Variants in POLA1 observed in about 807,000 individuals in gnomAD.
POLA1 encodes the protein DNA polymerase alpha catalytic subunit.
A neutral mutation model predicts 124.0 loss-of-function variants in POLA1; 15 were observed. That is an observed-to-expected ratio of 0.12 (90% CI 0.08 to 0.19). POLA1 has a LOEUF of 0.19. Among genes scored for constraint, POLA1 ranks in the 10% least tolerant of loss-of-function variants. The pLI, the probability that POLA1 is intolerant of heterozygous loss-of-function variation, is 1.00. For missense variants in POLA1, 886 were observed against 1,103.4 expected, an observed-to-expected ratio of 0.80 and a Z score of 2.79; for synonymous variants, 408 against 389.4, an observed-to-expected ratio of 1.05 and a Z score of -0.56.
At chrX:24,734,051 G>GA (rs1380474210) in intron 17 of POLA1, 1 of 236,843 alleles carries the variant, frequency 4.2e-6, no homozygotes, top group African/African-American at 2.9e-5. Context: ...TTGGTGGTTG[G>GA]ATAGGCTCAA....
chrX:24,724,384 A>G lies in POLA1; in HGVS notation c.1250A>G (p.Lys417Arg). The G allele has an allele frequency of 8.7e-7, 1 of 1,143,393 alleles. No individual in the cohort carries two copies. The highest frequency in any genetic ancestry group is 1.2e-6 in the Non-Finnish European group (1 of 838,146). 94.2% of individuals were successfully genotyped at this position (1,143,393 alleles called of 1,213,427 possible). A position where few individuals can be genotyped will look rare whatever the true frequency, so the allele number is the denominator to read the frequency against. Residue 417 changes from lysine (K) to arginine (R), a missense_variant, in exon 12 of 37, where the codon AAG becomes AGG. By Grantham distance (26) the Lys-to-Arg change is conservative. Around this residue, in one of 7 missense-constraint regions of POLA1, gnomAD observed 337 missense variants for 402.8 expected, o/e 0.84. Transcript: ENST00000379068. The part of the protein sequence containing the change: ...GKETGTPISM[K>R]DVYEEFDEKI... ...GAAACAGGAACTCCAATTTCAATGA[A>G]GGATGTTTATGAGGAATTTGATGAG...
At chrX:24,972,634 T>C (rs1194094866) in intron 36 of POLA1, among the ~76,000 whole-genome samples, 1 of 111,922 alleles carries the variant, frequency 8.9e-6, no homozygotes, top group Non-Finnish European at 1.9e-5. Context: ...AATAACTGCT[T>C]AGGGGCACAC....
At chrX:24,755,340 T>A (rs1932543401) in intron 26 of POLA1, among the ~76,000 whole-genome samples, 1 of 112,381 alleles carries the variant, frequency 8.9e-6, no homozygotes, top group African/African-American at 3.2e-5. Flanking sequence ...TGTTGCATAA[T>A]CCTTGATATT....
intron 26 of POLA1, among the ~76,000 whole-genome samples, 174 bp downstream of exon 26, chrX:24,749,166 C>T (rs193242686): frequency 2.7e-5 from 3 of 110,912 alleles, no homozygotes; most frequent in Non-Finnish European, 5.7e-5. Flanking sequence ...TTCATTAATT[C>T]GTGTGTGTGT....
intron 26 of POLA1, among the ~76,000 whole-genome samples, chrX:24,796,945 T>G (rs1028657530): frequency 8.9e-6 from 1 of 111,738 alleles, no homozygotes; most frequent in Non-Finnish European, 1.9e-5. Context: ...GTATCATTCT[T>G]GACTCCTATC....
chrX:24,940,900 A>G lies in POLA1; in HGVS notation c.4261+10351A>G, dbSNP rs773299208. On this transcript the variant is annotated intron_variant, in intron 36 of 36. Coordinates refer to ENST00000379068, the MANE Select transcript of POLA1 (RefSeq NM_001330360.2). ...CAGTCCCATTTGCTTCAGGCAAATTATAGGATTTATATTTATCCAGAATTG... is the reference window on the plus strand; with the variant it reads ...CAGTCCCATTTGCTTCAGGCAAATTGTAGGATTTATATTTATCCAGAATTG... 2.7e-5 allele frequency among the ~76,000 whole-genome samples: 3 copies of G among 112,218 alleles called. No homozygotes were observed. The South Asian group carries it at 1.1e-3, about 42-fold the overall frequency.
chrX:24,917,557 G>A (rs962047651), intron 35 of POLA1, among the ~76,000 whole-genome samples: 7 of 111,651 alleles, frequency 6.3e-5, no homozygotes, highest in South Asian at 3.8e-4. Flanking sequence ...GACCTCTACC[G>A]TGATTCAGTA....
chrX:24,832,753 T>C (rs1410340438), intron 32 of POLA1, among the ~76,000 whole-genome samples: 1 of 112,065 alleles, frequency 8.9e-6, no homozygotes, highest in Non-Finnish European at 1.9e-5. Context: ...CACTGTATTA[T>C]ATATGTGTAT....
intron 26 of POLA1, among the ~76,000 whole-genome samples, chrX:24,786,032 G>T (rs1467852496): frequency 1.8e-5 from 2 of 112,477 alleles, no homozygotes; most frequent in African/African-American, 6.5e-5. Flanking sequence ...CAAATGGCAG[G>T]ATTTCCTTTT....
intron 32 of POLA1, among the ~76,000 whole-genome samples, chrX:24,839,577 T>G (rs2046384777): frequency 8.9e-6 from 1 of 112,011 alleles, no homozygotes; most frequent in Admixed American, 9.4e-5. Context: ...GTGCACCAAG[T>G]GAGCCATGGC....
Position 24,984,777 on chromosome X carries a change from A to T in POLA1, c.4262-11028A>T, listed in dbSNP as rs1376133984. On this transcript the variant is annotated intron_variant, in intron 36 of 36. Transcript: ENST00000379068. ...CGGGTTCACGCCATTCTCCTGCCTC[A>T]GCCTCCCGAGGAGCTGGGACTACAG... Among the ~76,000 whole-genome samples the T allele has an allele frequency of 3.8e-5, 4 of 104,741 alleles. 1 individual carries two copies. The Admixed American group carries it at 4.2e-4, about 11-fold the overall frequency. 91.0% of individuals were successfully genotyped at this position (104,741 alleles called of 115,157 possible).
intron 32 of POLA1, among the ~76,000 whole-genome samples, chrX:24,835,494 CTTT>C (rs928530151): frequency 9.0e-6 from 1 of 111,635 alleles, no homozygotes; most frequent in South Asian, 3.7e-4. Flanking sequence ...TATGAATACA[CTTT>C]TTTTAAAAAG....
At chrX:24,838,864 A>T (rs960221153) in intron 32 of POLA1, among the ~76,000 whole-genome samples, 2 of 112,360 alleles carry the variant, frequency 1.8e-5, no homozygotes, top group South Asian at 3.7e-4. Context: ...TCCAGACTTA[A>T]TGAGTTTAGG....
At chrX:24,977,559 C>G (rs147706927) in intron 36 of POLA1, among the ~76,000 whole-genome samples, 1 of 112,213 alleles carries the variant, frequency 8.9e-6, no homozygotes, top group African/African-American at 3.2e-5. Context: ...GTGCTGGGTA[C>G]TTGGTGGGCT....
chrX:24,817,002 T>A (rs1326443490), intron 30 of POLA1, among the ~76,000 whole-genome samples: 1 of 112,138 alleles, frequency 8.9e-6, no homozygotes, highest in African/African-American at 3.2e-5. Flanking sequence ...TCAATAATTA[T>A]CAACTTATAG....
chrX:24,799,656 G>A (rs970100082), intron 26 of POLA1, among the ~76,000 whole-genome samples: 16 of 111,637 alleles, frequency 1.4e-4, no homozygotes, highest in African/African-American at 5.2e-4. Context: ...AGCTACCCAA[G>A]CCATTATTAG....
In POLA1 at chrX:24,891,671, A is replaced by C. The variant is rs909253906; in HGVS notation, c.4164+3549A>C. Among the ~76,000 whole-genome samples, 12 of 111,812 alleles carry C rather than the reference A, an allele frequency of 1.1e-4. 1 individual carries two copies. Among genetic ancestry groups the C allele is most frequent in the African/African-American group, 3.2e-4 (10 of 30,815 alleles). On this transcript the variant is annotated intron_variant, in intron 35 of 36. Transcript: ENST00000379068. ...TCTGTCTCAATCATACCTTACTTTC[A>C]TTTAATAATTATTTATTAAACAACT...
intron 36 of POLA1, among the ~76,000 whole-genome samples, chrX:24,948,660 TA>T (rs1295600948): frequency 8.9e-6 from 1 of 112,657 alleles, no homozygotes; most frequent in African/African-American, 3.2e-5. Context: ...ATACTTGGAA[TA>T]AAAAATTGTG....
At chrX:24,862,948 T>A (rs1010518441) in intron 34 of POLA1, among the ~76,000 whole-genome samples, 7 of 112,197 alleles carry the variant, frequency 6.2e-5, no homozygotes, top group Admixed American at 4.7e-4. Context: ...GATTATTAAT[T>A]GTTAATAATG....
Sources: gnomAD v4.1 joint callset for allele counts (sites outside exome capture counted in the v4.1 genomes callset) on GRCh38, gnomAD v4.1.1 for gene constraint, gnomAD v4.1.1 regional missense constraint, MANE v1.5 for transcripts, NCBI Gene and HGNC (gene_info 2026-07-23, HGNC 2026-07-21) for gene names.